Variants in TUSC3 observed in about 807,000 individuals in gnomAD.
TUSC3 encodes the protein dolichyl-diphosphooligosaccharide--protein glycosyltransferase subunit TUSC3.
TUSC3 carries 45 observed loss-of-function variants against 44.8 expected under a neutral mutation model. The ratio of observed to expected loss-of-function variants is 1.00; its 90% confidence interval spans 0.79 to 1.29. TUSC3 has a LOEUF of 1.29. Among genes scored for constraint, TUSC3 ranks in the 50% most tolerant of loss-of-function variants. The probability of loss-of-function intolerance (pLI) is 0.00; values close to 1 mark genes in which losing one functional copy is unlikely to be tolerated. For missense variants in TUSC3, 519 were observed against 437.9 expected, an observed-to-expected ratio of 1.19 and a Z score of -1.65; for synonymous variants, 212 against 152.9, an observed-to-expected ratio of 1.39 and a Z score of -2.85.
intron 5 of TUSC3, among the ~76,000 whole-genome samples, chr8:15,669,274 A>C (rs948748554): frequency 1.1e-4 from 17 of 151,960 alleles, no homozygotes; most frequent in South Asian, 6.2e-4. Flanking sequence ...ATTGAATCCA[A>C]CATTGCTAAA....
At chr8:15,684,612 G>A (rs540037725) in intron 6 of TUSC3, among the ~76,000 whole-genome samples, 17 of 152,194 alleles carry the variant, frequency 1.1e-4, no homozygotes, top group Admixed American at 5.9e-4. Context: ...CGTTCCTCCC[G>A]GACTGGTCTT....
chr8:15,702,140 A>T (rs1013618178), intron 6 of TUSC3, among the ~76,000 whole-genome samples: 1 of 152,084 alleles, frequency 6.6e-6, no homozygotes, highest in African/African-American at 2.4e-5. Flanking sequence ...TCTTGGCCTG[A>T]TGGGGCTTCC....
intron 2 of TUSC3, among the ~76,000 whole-genome samples, chr8:15,635,616 G>A (rs907894748): frequency 1.3e-5 from 2 of 152,136 alleles, no homozygotes; most frequent in Non-Finnish European, 2.9e-5. Flanking sequence ...AGTGAGAGTC[G>A]TAATAGTAGT....
the TUSC3 span, among the ~76,000 whole-genome samples, chr8:15,847,394 G>A: frequency 6.6e-6 from 1 of 152,114 alleles, no homozygotes; most frequent in Admixed American, 6.6e-5. Context: ...CTTCTCTGTT[G>A]TGCAAAATCT....
intron 6 of TUSC3, among the ~76,000 whole-genome samples, chr8:15,682,349 T>A (rs994083493): frequency 1.3e-5 from 2 of 152,206 alleles, no homozygotes; most frequent in Non-Finnish European, 2.9e-5. Flanking sequence ...GGTGCTCTAA[T>A]TTTGGATTCA....
chr8:15,716,281 T>C (rs1330032940), intron 6 of TUSC3, among the ~76,000 whole-genome samples: 2 of 151,984 alleles, frequency 1.3e-5, no homozygotes, highest in Non-Finnish European at 2.9e-5. Context: ...AAAATTCTAA[T>C]TGAAGTTTTG....
chr8:15,435,390 G>C (rs1469677128), intron 1 of TUSC3, among the ~76,000 whole-genome samples: 1 of 152,096 alleles, frequency 6.6e-6, no homozygotes, highest in African/African-American at 2.4e-5. Flanking sequence ...ATATATTAAT[G>C]GAAAGGGCTT....
chr8:15,690,354 G>GTT (rs34032730), intron 6 of TUSC3, among the ~76,000 whole-genome samples: 37 of 145,932 alleles, frequency 2.5e-4, no homozygotes, highest in South Asian at 4.4e-4. Flanking sequence ...TTTAAAGGGA[G>GTT]TTTTTTTTTT....
At chr8:15,789,278 T>C in the TUSC3 span, among the ~76,000 whole-genome samples, 2 of 152,196 alleles carry the variant, frequency 1.3e-5, no homozygotes, top group African/African-American at 4.8e-5. Flanking sequence ...TGTACCGTAA[T>C]ATGGATCTGA....
At chr8:15,484,201 C>A (rs1336171997) in intron 2 of TUSC3, among the ~76,000 whole-genome samples, 1 of 152,090 alleles carries the variant, frequency 6.6e-6, no homozygotes, top group African/African-American at 2.4e-5. Flanking sequence ...TATTTACATG[C>A]ACTTATGCAA....
At chr8:15,502,904 T>C (rs1349075585) in intron 2 of TUSC3, among the ~76,000 whole-genome samples, 3 of 152,238 alleles carry the variant, frequency 2.0e-5, no homozygotes, top group Admixed American at 6.5e-5. Context: ...ACTCCTTACA[T>C]GTTTGACGAA....
chr8:15,511,898 G>A (rs979672203), intron 2 of TUSC3, among the ~76,000 whole-genome samples: 1 of 151,582 alleles, frequency 6.6e-6, no homozygotes, highest in African/African-American at 2.4e-5. Context: ...AATGAATGGA[G>A]CATGGATCAG....
intron 2 of TUSC3, among the ~76,000 whole-genome samples, chr8:15,483,649 ATTTTTTT>A (rs60092911): frequency 0.056 from 3,675 of 66,212 alleles, 209 homozygotes; most frequent in Middle Eastern, 0.16. Flanking sequence ...TAGCACTGTG[ATTTTTTT>A]TTTTTTTTTT....
intron 1 of TUSC3, among the ~76,000 whole-genome samples, chr8:15,622,110 C>T (rs1199139545): frequency 1.3e-5 from 2 of 152,080 alleles, no homozygotes; most frequent in Non-Finnish European, 2.9e-5. Flanking sequence ...TCTCTGATTT[C>T]TAGAGTAGAG....
intron 6 of TUSC3, among the ~76,000 whole-genome samples, chr8:15,680,500 G>A (rs571085507): frequency 1.3e-5 from 2 of 152,176 alleles, no homozygotes; most frequent in South Asian, 4.2e-4. Flanking sequence ...AGAGTATTTA[G>A]GGTTTTCTAG....
intron 2 of TUSC3, among the ~76,000 whole-genome samples, chr8:15,626,169 C>T (rs1805500719): frequency 6.6e-6 from 1 of 152,156 alleles, no homozygotes; most frequent in South Asian, 2.1e-4. Context: ...TGAGCCTAGG[C>T]AGGACCCACT....
chr8:15,638,612 G>A lies in TUSC3; in HGVS notation c.309-12085G>A, dbSNP rs144390128. On this transcript the variant is annotated intron_variant, in intron 2 of 10. Coordinates refer to ENST00000503731, the MANE Select transcript of TUSC3 (RefSeq NM_006765.4). Reference sequence around the variant, plus strand: ...GATCTCTGCTCACTGCAACCTCTCCGCCTCCTGGGTTCAAGTGATTCCCCT... The same window carrying A: ...GATCTCTGCTCACTGCAACCTCTCCACCTCCTGGGTTCAAGTGATTCCCCT... Among the ~76,000 whole-genome samples, 1,180 of 133,458 alleles carry A rather than the reference G, an allele frequency of 8.8e-3. 12 individuals carry two copies. Among genetic ancestry groups the A allele is most frequent in the African/African-American group, 0.032 (1,133 of 35,266 alleles). The allele number at this position is 133,458 out of a possible 152,430, so 87.6% of individuals were successfully genotyped here.
intron 1 of TUSC3, among the ~76,000 whole-genome samples, chr8:15,576,415 T>G (rs1182918478): frequency 1.3e-5 from 2 of 148,916 alleles, no homozygotes; most frequent in Non-Finnish European, 3.0e-5. Flanking sequence ...ACCCACTAAC[T>G]AGTCATCTAG....
Position 15,703,300 on chromosome 8 carries a change from A to G in TUSC3, c.799-27366A>G, listed in dbSNP as rs563024923. Among the ~76,000 whole-genome samples the G allele has an allele frequency of 1.4e-4, 22 of 152,292 alleles. 1 individual carries two copies. Among genetic ancestry groups the G allele is most frequent in the African/African-American group, 5.3e-4 (22 of 41,562 alleles). On this transcript the variant is annotated intron_variant, in intron 6 of 10. Transcript: ENST00000503731. ...AATATTATGGAAATAGAGGTAAAAC[A>G]AATAACATATTCCAGCTACTCTATA... is the stretch of plus-strand genomic sequence containing the variant.
Sources: gnomAD v4.1 joint callset for allele counts (sites outside exome capture counted in the v4.1 genomes callset) on GRCh38, gnomAD v4.1.1 for gene constraint, MANE v1.5 for transcripts, NCBI Gene and HGNC (gene_info 2026-07-23, HGNC 2026-07-21) for gene names.